Variants in UNC93A observed in about 807,000 individuals in gnomAD.
The protein encoded by UNC93A is N-acetylglucosamine transporter UNC93A.
A neutral mutation model predicts 47.5 loss-of-function variants in UNC93A; 43 were observed. The observed-to-expected ratio is 0.91, with a 90% confidence interval of 0.71 to 1.17. The LOEUF is 1.17. Ranked by LOEUF, UNC93A falls within the 50% of genes most tolerant of loss-of-function variation. UNC93A has a pLI of 0.00. For synonymous variants in UNC93A, 280 were observed against 258.0 expected, an observed-to-expected ratio of 1.09 and a Z score of -0.82; for missense variants, 605 against 577.6, an observed-to-expected ratio of 1.05 and a Z score of -0.49.
chr6:167,308,793 C>T (rs1013912009), intron 7 of UNC93A, among the ~76,000 whole-genome samples: 8 of 152,028 alleles, frequency 5.3e-5, no homozygotes, highest in Admixed American at 2.0e-4. Flanking sequence ...GAGTCGGCCC[C>T]GTGTCACAAC....
intron 1 of UNC93A, 40 bp downstream of exon 1, chr6:167,291,616 C>A: frequency 2.0e-6 from 3 of 1,538,370 alleles, no homozygotes; most frequent in African/African-American, 1.4e-5. Flanking sequence ...AACTTCTTGG[C>A]CTCCAAGAAT....
intron 7 of UNC93A, among the ~76,000 whole-genome samples, chr6:167,309,743 T>C (rs1245164081): frequency 2.6e-5 from 4 of 152,164 alleles, no homozygotes; most frequent in Admixed American, 2.6e-4. Flanking sequence ...TCCTGGTGGG[T>C]TGCGTATCCA....
At chr6:167,296,378 A>G in intron 3 of UNC93A, 117 bp downstream of exon 3, 5 of 1,098,526 alleles carry the variant, frequency 4.6e-6, no homozygotes, top group South Asian at 1.4e-5. Context: ...TGAGCAGGTG[A>G]GTCAGGCCCC....
At chr6:167,284,571 C>G (rs1296752528) in intron 1 of UNC93A, among the ~76,000 whole-genome samples, 1 of 152,308 alleles carries the variant, frequency 6.6e-6, no homozygotes, top group Non-Finnish European at 1.5e-5. Context: ...ACACAGAGCT[C>G]ACGTTGCCCA....
At chr6:167,307,990 T>A (rs1778450493) in intron 7 of UNC93A, 80 bp downstream of exon 7, 1 of 1,567,564 alleles carries the variant, frequency 6.4e-7, no homozygotes, top group Non-Finnish European at 8.6e-7. Flanking sequence ...GCTCATTAGA[T>A]GCCAATGGGC....
intron 1 of UNC93A, among the ~76,000 whole-genome samples, chr6:167,285,537 C>T (rs1271264631): frequency 2.0e-5 from 3 of 151,664 alleles, no homozygotes; most frequent in Admixed American, 1.3e-4. Context: ...GTGGGGCTGG[C>T]GGGGATGAGA....
rs143452023 is a variant in UNC93A, at chr6:167,307,830, G to T, written c.1028G>T (p.Arg343Leu). 12 of 1,613,968 alleles carry T rather than the reference G, an allele frequency of 7.4e-6. No individual in the cohort carries two copies. The South Asian group carries it at 1.3e-4, about 18-fold the overall frequency. Residue 343 changes from arginine to leucine, a missense_variant, in exon 7 of 8, where the codon CGT (arginine) becomes CTT (leucine). Physicochemically the swap from Arg to Leu is moderately radical, Grantham distance 102. Transcript: ENST00000230256. Reference protein sequence around the residue: ...CMIALLLWRPRADHLAVFFVF... With the variant: ...CMIALLLWRPLADHLAVFFVF... Reference sequence around the variant, plus strand: ...ATTGCCCTACTGCTGTGGAGACCTCGTGCTGACCATCTGGCAGTGTTCTTC... The same window carrying T: ...ATTGCCCTACTGCTGTGGAGACCTCTTGCTGACCATCTGGCAGTGTTCTTC...
chr6:167,292,930 G>T (rs371510702), intron 1 of UNC93A, among the ~76,000 whole-genome samples: 1 of 152,132 alleles, frequency 6.6e-6, no homozygotes, highest in East Asian at 1.9e-4. Flanking sequence ...CTCCCCTGGG[G>T]TCAGCATTCC....
At chr6:167,274,063 G>A (rs1287663123) in intron 1 of UNC93A, among the ~76,000 whole-genome samples, 1 of 152,176 alleles carries the variant, frequency 6.6e-6, no homozygotes, top group Non-Finnish European at 1.5e-5. Flanking sequence ...GCTTTGCAGG[G>A]ACATTTCAAG....
rs750381322 is a variant in UNC93A, at chr6:167,315,235, A to G, written c.1157A>G (p.Asn386Ser). 1.5e-5 allele frequency: 25 copies of G among 1,613,626 alleles called. No homozygotes were observed. The African/African-American group carries it at 2.8e-4, about 18-fold the overall frequency. The change falls in exon 8 of 8, where the codon AAT (asparagine) becomes AGT (serine). Residue 386 changes from asparagine to serine, a missense_variant. Coordinates refer to ENST00000230256, the MANE Select transcript of UNC93A (RefSeq NM_018974.4). Reference sequence around the variant, plus strand: ...AAGAGCAAGGAAGCTGCCTTCGCCAATTACCGCCTGTGGGAGGCCCTGGGC... The same window carrying G: ...AAGAGCAAGGAAGCTGCCTTCGCCAGTTACCGCCTGTGGGAGGCCCTGGGC... ...FEKSKEAAFANYRLWEALGFV... is the reference protein window; with the variant it reads ...FEKSKEAAFASYRLWEALGFV...
intron 7 of UNC93A, among the ~76,000 whole-genome samples, chr6:167,313,277 C>T (rs187513267): frequency 2.1e-4 from 32 of 152,280 alleles, no homozygotes; most frequent in African/African-American, 7.2e-4. Context: ...AGTATGTGAG[C>T]TAGAAGACAG....
upstream of UNC93A, among the ~76,000 whole-genome samples, chr6:167,270,384 G>A (rs75570424): frequency 2.1e-3 from 313 of 152,216 alleles, 2 homozygotes; most frequent in African/African-American, 6.5e-3. Flanking sequence ...GGTGCAATGC[G>A]GAGGGCTGTG....
At chr6:167,302,014 A>G (rs905223456) in intron 4 of UNC93A, among the ~76,000 whole-genome samples, 11 of 152,238 alleles carry the variant, frequency 7.2e-5, no homozygotes, top group Admixed American at 2.6e-4. Context: ...CACAAACTTC[A>G]TGAGAATCTT....
chr6:167,312,530 C>CGAGTATATTT (rs1778587995), intron 7 of UNC93A, among the ~76,000 whole-genome samples: 1 of 152,224 alleles, frequency 6.6e-6, no homozygotes, highest in Non-Finnish European at 1.5e-5. Context: ...ATTTACTCTA[C>CGAGTATATTT]ACTTTGGGTC....
At chr6:167,311,918 A>G (rs576991369) in intron 7 of UNC93A, among the ~76,000 whole-genome samples, 1 of 152,322 alleles carries the variant, frequency 6.6e-6, no homozygotes, top group Admixed American at 6.5e-5. Flanking sequence ...GCTAGGAAGT[A>G]ACGCTGCCAT....
intron 4 of UNC93A, among the ~76,000 whole-genome samples, chr6:167,303,530 C>T (rs1778298214): frequency 2.0e-5 from 3 of 151,044 alleles, no homozygotes; most frequent in Middle Eastern, 3.4e-3. Flanking sequence ...GAATCATTAT[C>T]CTAAAAAAAA....
intron 1 of UNC93A, among the ~76,000 whole-genome samples, chr6:167,282,925 T>C (rs1192575081): frequency 1.3e-5 from 2 of 152,204 alleles, no homozygotes; most frequent in Admixed American, 6.5e-5. Context: ...GAAAAAGTTA[T>C]TATCTAAAGA....
intron 6 of UNC93A, among the ~76,000 whole-genome samples, chr6:167,306,568 G>A (rs1481850784): frequency 6.6e-6 from 1 of 152,188 alleles, no homozygotes; most frequent in Non-Finnish European, 1.5e-5. Flanking sequence ...GAACAATGAG[G>A]AATGCAGGCA....
chr6:167,270,063 T>C (rs868629335), upstream of UNC93A, among the ~76,000 whole-genome samples: 70 of 14,968 alleles, frequency 4.7e-3, no homozygotes, highest in African/African-American at 8.9e-3. Flanking sequence ...GGGGTGGGGG[T>C]GGGGGGGGGG....
Sources: gnomAD v4.1 joint callset for allele counts (sites outside exome capture counted in the v4.1 genomes callset) on GRCh38, gnomAD v4.1.1 for gene constraint, MANE v1.5 for transcripts, NCBI Gene and HGNC (gene_info 2026-07-23, HGNC 2026-07-21) for gene names.